Variants in VMP1 observed in about 807,000 individuals in gnomAD.
VMP1 encodes the protein vacuole membrane protein 1.
A neutral mutation model predicts 56.0 loss-of-function variants in VMP1; 11 were observed. The observed-to-expected ratio is 0.20, with a 90% CI of 0.12 to 0.32. VMP1 has a LOEUF of 0.32. Among genes scored for constraint, VMP1 ranks in the 10% least tolerant of loss-of-function variants. The pLI, the probability that VMP1 is intolerant of heterozygous loss-of-function variation, is 1.00. For synonymous variants in VMP1, 149 were observed against 165.0 expected (o/e 0.90, Z 0.74); for missense variants, 296 against 490.3 (o/e 0.60, Z 3.74).
intron 10 of VMP1, among the ~76,000 whole-genome samples, chr17:59,836,940 A>G (rs1598470480): frequency 6.6e-6 from 1 of 152,018 alleles, no homozygotes; most frequent in Non-Finnish European, 1.5e-5. Context: ...GGTGGCTCAC[A>G]CCTGTAATCC....
At chr17:59,758,574 C>T (rs1244494454) in intron 5 of VMP1, among the ~76,000 whole-genome samples, 2 of 151,940 alleles carry the variant, frequency 1.3e-5, no homozygotes, top group Admixed American at 6.6e-5. Context: ...CCAGTAATCC[C>T]AGCACTTTGG....
intron 1 of VMP1, chr17:59,708,057 C>T (rs1000851353): frequency 1.7e-4 from 26 of 152,178 alleles, no homozygotes; most frequent in African/African-American, 6.0e-4. Flanking sequence ...CTCTTAGTCC[C>T]GGGATGTCCA....
chr17:59,749,860 C>T (rs78818189), intron 5 of VMP1, among the ~76,000 whole-genome samples: 5,618 of 152,134 alleles, frequency 0.037, 373 homozygotes, highest in African/African-American at 0.13. Context: ...TGGCCCAGCC[C>T]GTCTACCCAC....
At chr17:59,716,098 G>A (rs1436958337) in intron 1 of VMP1, among the ~76,000 whole-genome samples, 2 of 152,000 alleles carry the variant, frequency 1.3e-5, no homozygotes, top group African/African-American at 2.4e-5. Context: ...CATAAGTGTG[G>A]CTCATGAAAA....
intron 1 of VMP1, among the ~76,000 whole-genome samples, chr17:59,709,237 A>G (rs1398491057): frequency 1.3e-5 from 2 of 152,230 alleles, no homozygotes; most frequent in African/African-American, 4.8e-5. Flanking sequence ...CTTCTTGATT[A>G]TATAACTGCC....
chr17:59,741,968 C>A (rs2035243065), intron 5 of VMP1, among the ~76,000 whole-genome samples: 1 of 152,096 alleles, frequency 6.6e-6, no homozygotes, highest in Non-Finnish European at 1.5e-5. Flanking sequence ...TGGTTTTTTA[C>A]TGAGTGACTG....
chr17:59,732,578 G>C (rs970920464), intron 2 of VMP1, among the ~76,000 whole-genome samples: 2 of 152,056 alleles, frequency 1.3e-5, no homozygotes, highest in Non-Finnish European at 2.9e-5. Context: ...GCCTTGCAGA[G>C]GACATTTTGC....
At chr17:59,717,896 G>A (rs560659916) in intron 1 of VMP1, among the ~76,000 whole-genome samples, 7 of 151,900 alleles carry the variant, frequency 4.6e-5, no homozygotes, top group Non-Finnish European at 1.0e-4. Flanking sequence ...CTCCAGCCTG[G>A]ATGACAGAGC....
chr17:59,780,117 C>T (rs1349141285), intron 7 of VMP1, among the ~76,000 whole-genome samples: 5 of 152,164 alleles, frequency 3.3e-5, no homozygotes, highest in Non-Finnish European at 7.3e-5. Flanking sequence ...CCAGAATGCA[C>T]ACAATACTTC....
chr17:59,821,539 C>CTTT (rs530907168), intron 10 of VMP1, among the ~76,000 whole-genome samples: 49 of 104,686 alleles, frequency 4.7e-4, no homozygotes, highest in East Asian at 7.6e-4. Context: ...AGCTACTTTT[C>CTTT]TTTTTTTTTT....
intron 10 of VMP1, among the ~76,000 whole-genome samples, chr17:59,823,611 G>T (rs2038531593): frequency 6.6e-6 from 1 of 151,780 alleles, no homozygotes; most frequent in Non-Finnish European, 1.5e-5. Flanking sequence ...AATTAGCCGG[G>T]TGTGGTGGAC....
chr17:59,838,104 T>C (rs7224964), intron 10 of VMP1, 191 bp from the exon 11 acceptor site: 215 of 234,108 alleles, frequency 9.2e-4, no homozygotes, highest in African/African-American at 4.6e-3. Flanking sequence ...AATTTTCTTT[T>C]TTTTTTTTTT....
At chr17:59,774,881 T>G (rs897082876) in intron 7 of VMP1, among the ~76,000 whole-genome samples, 1 of 152,096 alleles carries the variant, frequency 6.6e-6, no homozygotes, top group Non-Finnish European at 1.5e-5. Flanking sequence ...GGCAGATCAC[T>G]TGAACCTAGG....
chr17:59,769,043 C>T (rs1373751994), intron 6 of VMP1, among the ~76,000 whole-genome samples: 1 of 151,784 alleles, frequency 6.6e-6, no homozygotes, highest in Admixed American at 6.6e-5. Flanking sequence ...ATTGCTTGAA[C>T]CCGGGAGGCA....
chr17:59,807,349 C>G (rs1228881143), intron 7 of VMP1, among the ~76,000 whole-genome samples: 1 of 151,858 alleles, frequency 6.6e-6, no homozygotes, highest in African/African-American at 2.4e-5. Context: ...AGGCGCCTGC[C>G]AGCACGCCCG....
intron 5 of VMP1, among the ~76,000 whole-genome samples, chr17:59,750,321 G>A (rs1462423600): frequency 7.1e-6 from 1 of 140,528 alleles, no homozygotes; most frequent in Admixed American, 7.1e-5. Context: ...TTTTTTTTGA[G>A]ATAGAGTTTT....
chr17:59,746,951 G>C (rs961370862), intron 5 of VMP1, among the ~76,000 whole-genome samples: 5 of 152,098 alleles, frequency 3.3e-5, no homozygotes, highest in Non-Finnish European at 5.9e-5. Context: ...GTATTCATCA[G>C]GTTCTCCAAA....
chr17:59,710,819 C>G (rs893497217), intron 1 of VMP1, among the ~76,000 whole-genome samples: 1 of 152,096 alleles, frequency 6.6e-6, no homozygotes, highest in East Asian at 1.9e-4. Context: ...GCCTGTAATC[C>G]CAGCACTTTG....
At chr17:59,710,066 A>G (rs965083003) in intron 1 of VMP1, among the ~76,000 whole-genome samples, 5 of 152,190 alleles carry the variant, frequency 3.3e-5, no homozygotes, top group South Asian at 4.1e-4. Context: ...GCGTGGTGGC[A>G]GGCGCCTGTA....
Sources: gnomAD v4.1 joint callset for allele counts (sites outside exome capture counted in the v4.1 genomes callset) on GRCh38, gnomAD v4.1.1 for gene constraint, MANE v1.5 for transcripts, NCBI Gene and HGNC (gene_info 2026-07-23, HGNC 2026-07-21) for gene names.